The following RALGAPA1 variants were observed in gnomAD, a reference collection of about 807,000 sequenced individuals.
The protein encoded by RALGAPA1 is ral GTPase-activating protein subunit alpha-1.
RALGAPA1 carries 52 observed loss-of-function variants against 269.6 expected under a neutral mutation model. The observed-to-expected ratio is 0.19, with a 90% CI of 0.15 to 0.24. The LOEUF (loss-of-function observed/expected upper bound fraction) is 0.24. Ranked by LOEUF, RALGAPA1 falls within the 10% of genes least tolerant of loss-of-function variation. The pLI is 1.00. For synonymous variants in RALGAPA1, 817 were observed against 1,008.3 expected (o/e 0.81, Z 3.60); for missense variants, 1,917 against 3,013.9 (o/e 0.64, Z 8.52).
intron 4 of RALGAPA1, among the ~76,000 whole-genome samples, chr14:35,769,983 T>C (rs939965161): frequency 1.3e-5 from 2 of 152,062 alleles, no homozygotes; most frequent in Non-Finnish European, 2.9e-5. Flanking sequence ...CAAATAAAGA[T>C]TGACAAACTA....
intron 16 of RALGAPA1, among the ~76,000 whole-genome samples, chr14:35,705,139 C>T (rs780795703): frequency 3.3e-5 from 5 of 152,056 alleles, no homozygotes; most frequent in Admixed American, 6.6e-5. Context: ...GGTACATTTG[C>T]TACAATTAAC....
chr14:35,620,769 A>G (rs970746462), intron 35 of RALGAPA1, among the ~76,000 whole-genome samples: 3 of 152,156 alleles, frequency 2.0e-5, no homozygotes, highest in African/African-American at 7.2e-5. Context: ...CACAATTGCT[A>G]CAAAGAGAAT....
intron 21 of RALGAPA1, among the ~76,000 whole-genome samples, chr14:35,680,583 TA>T (rs1555401469): frequency 1.4e-5 from 1 of 71,450 alleles, no homozygotes; most frequent in East Asian, 1.0e-3. Flanking sequence ...CCTTTAATTT[TA>T]TTTATTTATT....
At chr14:35,657,045 A>G (rs929149906) in intron 28 of RALGAPA1, among the ~76,000 whole-genome samples, 2 of 152,128 alleles carry the variant, frequency 1.3e-5, no homozygotes, top group Non-Finnish European at 2.9e-5. Flanking sequence ...AAGAAAGGAT[A>G]TATATATTTT....
chr14:35,558,398 T>A (rs557527936), intron 39 of RALGAPA1, among the ~76,000 whole-genome samples: 9 of 152,326 alleles, frequency 5.9e-5, no homozygotes, highest in Admixed American at 5.2e-4. Flanking sequence ...ATCTGACATG[T>A]GAATTGTGAC....
Position 35,684,136 on chromosome 14 carries a change from C to A in RALGAPA1, c.4295-151G>T, listed in dbSNP as rs148466821. ...CAGACAAGTGTAAATAATCTTAATA[C>A]TCTGAAGATTATAAGTAGATCGGGA... is the stretch of plus-strand genomic sequence containing the variant. On this transcript the variant is annotated intron_variant, in intron 20 of 41. Coordinates refer to ENST00000680220, the MANE Select transcript of RALGAPA1 (RefSeq NM_001346249.2). 9 of 606,462 alleles carry A rather than the reference C, an allele frequency of 1.5e-5. No homozygotes were observed. In the East Asian group the frequency reaches 2.5e-4, roughly 17 times the overall value. The allele number at this position is 606,462 out of a possible 1,614,324, so 37.6% of individuals were successfully genotyped here.
Position 35,716,397 on chromosome 14 carries a change from CAAAAAAA to C in RALGAPA1, c.2266+5284_2266+5290del, listed in dbSNP as rs78953823. Reference sequence around the variant, plus strand: ...TGGGTGACAGAGTGAGACTCCGTCTCAAAAAAAAAAAAAAAAAAAAAAAGACTATTGC... The same window carrying C: ...TGGGTGACAGAGTGAGACTCCGTCTCAAAAAAAAAAAAAAAAGACTATTGC... On this transcript the variant is annotated intron_variant, in intron 16 of 41. Coordinates refer to ENST00000680220, the MANE Select transcript of RALGAPA1 (RefSeq NM_001346249.2). Among the ~76,000 whole-genome samples the C allele has an allele frequency of 1.1e-4, 5 of 44,620 alleles. No individual in the cohort carries two copies. In the East Asian group the frequency reaches 3.0e-3, roughly 27 times the overall value. 29.3% of individuals were successfully genotyped at this position (44,620 alleles called of 152,430 possible).
chr14:35,808,473 T>C (rs1485515791), intron 1 of RALGAPA1, among the ~76,000 whole-genome samples: 1 of 152,218 alleles, frequency 6.6e-6, no homozygotes, highest in Non-Finnish European at 1.5e-5. Context: ...AAGATCTAAG[T>C]TTTTAGAGTA....
chr14:35,707,915 C>T (rs1192222571), intron 16 of RALGAPA1, among the ~76,000 whole-genome samples: 1 of 151,960 alleles, frequency 6.6e-6, no homozygotes, highest in African/African-American at 2.4e-5. Flanking sequence ...CAAAAACAGA[C>T]ACACAGACCA....
At chr14:35,636,647 A>T (rs1398221457) in intron 31 of RALGAPA1, among the ~76,000 whole-genome samples, 1 of 152,116 alleles carries the variant, frequency 6.6e-6, no homozygotes, top group Non-Finnish European at 1.5e-5. Context: ...CAGCCACCTA[A>T]GTAACTGGGA....
intron 6 of RALGAPA1, among the ~76,000 whole-genome samples, chr14:35,760,365 A>T (rs1012969984): frequency 6.6e-6 from 1 of 152,128 alleles, no homozygotes; most frequent in Non-Finnish European, 1.5e-5. Context: ...CTCCACACTC[A>T]CATTCAGGGT....
At chr14:35,628,109 C>T (rs1386471199) in intron 33 of RALGAPA1, among the ~76,000 whole-genome samples, 158 bp from the exon 34 acceptor site, 5 of 151,986 alleles carry the variant, frequency 3.3e-5, no homozygotes, top group African/African-American at 1.2e-4. Context: ...GGAGGAAAAC[C>T]ATTCTTTGAT....
At chr14:35,561,591 T>C (rs1444153135) in intron 39 of RALGAPA1, among the ~76,000 whole-genome samples, 1 of 142,370 alleles carries the variant, frequency 7.0e-6, no homozygotes, top group Non-Finnish European at 1.5e-5. Context: ...CTGGGCTCAC[T>C]GCAACCTCTG....
rs572667075 is a variant in RALGAPA1, at chr14:35,735,858, G to C, written c.1587+2655C>G. On this transcript the variant is annotated intron_variant, in intron 12 of 41. Transcript: ENST00000680220. ...CATTTCTAAAGTTTTACTCTGTTTT[G>C]CAGTTATGCTGTGGGCCAGCCCTAG... 2.0e-5 allele frequency among the ~76,000 whole-genome samples: 3 copies of C among 152,246 alleles called. No individual in the cohort carries two copies. The East Asian group carries it at 5.8e-4, about 29-fold the overall frequency.
chr14:35,782,649 C>A (rs1364842672), intron 1 of RALGAPA1, among the ~76,000 whole-genome samples: 1 of 151,898 alleles, frequency 6.6e-6, no homozygotes, highest in Non-Finnish European at 1.5e-5. Flanking sequence ...GTCTTGAACT[C>A]CTAACCTAAG....
intron 27 of RALGAPA1, among the ~76,000 whole-genome samples, chr14:35,663,995 GC>G (rs2063743982): frequency 6.6e-6 from 1 of 152,062 alleles, no homozygotes; most frequent in East Asian, 1.9e-4. Context: ...ACCTTGCTGG[GC>G]TCAGAGCACT....
At chr14:35,729,152 T>G (rs1355998891) in intron 12 of RALGAPA1, among the ~76,000 whole-genome samples, 7 of 152,242 alleles carry the variant, frequency 4.6e-5, no homozygotes, top group Admixed American at 3.3e-4. Context: ...AGGAAGAATT[T>G]TCTGAATGAG....
At chr14:35,704,327 CCA>C (rs758332537) in intron 16 of RALGAPA1, among the ~76,000 whole-genome samples, 8 of 152,030 alleles carry the variant, frequency 5.3e-5, no homozygotes, top group Non-Finnish European at 1.0e-4. Flanking sequence ...ATAAGCAAAA[CCA>C]CAGACATACT....
chr14:35,624,986 C>T (rs2060899116), intron 35 of RALGAPA1, among the ~76,000 whole-genome samples: 2 of 151,752 alleles, frequency 1.3e-5, no homozygotes, highest in African/African-American at 2.4e-5. Context: ...GTCAGGAGAT[C>T]GAAACCATTC....
Sources: gnomAD v4.1 joint callset for allele counts (sites outside exome capture counted in the v4.1 genomes callset) on GRCh38, gnomAD v4.1.1 for gene constraint, MANE v1.5 for transcripts, NCBI Gene and HGNC (gene_info 2026-07-23, HGNC 2026-07-21) for gene names.